Variants in OCRL observed in about 807,000 individuals in gnomAD.
The protein encoded by OCRL is inositol polyphosphate 5-phosphatase OCRL.
In OCRL, 8 loss-of-function variants were observed where a neutral mutation model predicts 78.9. The observed-to-expected ratio is 0.10, with a 90% CI of 0.06 to 0.18. The LOEUF is 0.18. Ranked by LOEUF, OCRL falls within the 10% of genes least tolerant of loss-of-function variation. OCRL has a pLI of 1.00. For synonymous variants in OCRL, 240 were observed against 235.4 expected (o/e 1.02, Z -0.18); for missense variants, 454 against 696.7 (o/e 0.65, Z 3.92).
chrX:129,569,411 T>C lies in OCRL; in HGVS notation c.1602+12T>C, dbSNP rs1344710798. 1 of 1,204,006 alleles carries C rather than the reference T, an allele frequency of 8.3e-7. No individual in the cohort carries two copies. The highest frequency in any genetic ancestry group is 1.7e-5 in the African/African-American group (1 of 57,612). ...TCTTCCATATTGGGGTAAACACTTG[T>C]TTGTACATTCATTTATTTGTGTGTT... On this transcript the variant is annotated intron_variant, in intron 15 of 23. Coordinates refer to ENST00000371113, the MANE Select transcript of OCRL (RefSeq NM_000276.4).
intron 4 of OCRL, among the ~76,000 whole-genome samples, chrX:129,555,407 G>A (rs1936029654): frequency 9.0e-6 from 1 of 111,659 alleles, no homozygotes; most frequent in Non-Finnish European, 1.9e-5. Context: ...CCCAGGGGAC[G>A]AGGTTGCAGT....
Position 129,557,334 on chromosome X carries a change from A to G in OCRL, c.248A>G (p.Lys83Arg). The change falls in exon 5 of 24, where the codon AAA becomes AGA. Residue 83 changes from lysine to arginine, a missense_variant. By Grantham distance (26) the Lys-to-Arg change is conservative (BLOSUM62 2). Coordinates refer to ENST00000371113, the MANE Select transcript of OCRL (RefSeq NM_000276.4). ...TTTCAATTCTTTTTAGGTGGCTGCAAAATTCGGGTTCAGGGGGACTGGATC... is the reference window on the plus strand; with the variant it reads ...TTTCAATTCTTTTTAGGTGGCTGCAGAATTCGGGTTCAGGGGGACTGGATC... ...LIDIASNSGC[K>R]IRVQGDWIRE... The G allele has an allele frequency of 1.7e-6, 2 of 1,211,098 alleles. No individual in the cohort carries two copies. The highest frequency in any genetic ancestry group is 3.5e-5 in the South Asian group (2 of 56,960).
rs757334938 is a variant in OCRL at position 129,548,639 on chromosome X, C to G, written c.238+38C>G. 7.3e-6 allele frequency: 8 copies of G among 1,093,867 alleles called. No homozygotes were observed. In the East Asian group the frequency reaches 2.1e-4, roughly 29 times the overall value. The allele number at this position is 1,093,867 out of a possible 1,213,427, so 90.1% of individuals were successfully genotyped here. On this transcript the variant is annotated intron_variant, in intron 4 of 23. Transcript: ENST00000371113. ...CTGAATGTGCTTGATTTTTACTCAA[C>G]AAATATTTACTTGAACACTCACTAC...
intron 8 of OCRL, among the ~76,000 whole-genome samples, chrX:129,560,153 T>C (rs762622893): frequency 2.7e-5 from 3 of 112,192 alleles, no homozygotes; most frequent in South Asian, 7.4e-4. Context: ...AGTGAGTTCC[T>C]GGAGTCAACT....
chrX:129,581,658 C>A, intron 18 of OCRL, among the ~76,000 whole-genome samples: 1 of 102,032 alleles, frequency 9.8e-6, no homozygotes, highest in Non-Finnish European at 2.0e-5. Flanking sequence ...ATGTATATAC[C>A]TTTTATTATA....
Position 129,584,305 on chromosome X carries a change from CT to C in OCRL, c.2116-38del, listed in dbSNP as rs764630548. ...TCTGTAAATTAATTCTAATCATATT[CT>C]GTCTGTCAATGACTTTCTTTTCCTG... On this transcript the variant is annotated intron_variant, in intron 18 of 23. Transcript: ENST00000371113. 1.1e-5 allele frequency: 13 copies of C among 1,172,578 alleles called. No individual in the cohort carries two copies. In the South Asian group the frequency reaches 2.3e-4, roughly 21 times the overall value.
rs369131501 is a variant in OCRL, at chrX:129,547,416, T to G, written c.200-1147T>G. ...GGCGGGTGCCTGTAGTCCCAACTAC[T>G]CGGGAGGCTGAGGCAGGAGAATGGT... On this transcript the variant is annotated intron_variant, in intron 3 of 23. Transcript: ENST00000371113. 3.9e-4 allele frequency among the ~76,000 whole-genome samples: 41 copies of G among 105,845 alleles called. No homozygotes were observed. The East Asian group carries it at 5.0e-3, about 13-fold the overall frequency. The allele number at this position is 105,845 out of a possible 115,157, so 91.9% of individuals were successfully genotyped here. A position where few individuals can be genotyped will look rare whatever the true frequency, so the allele number is the denominator to read the frequency against.
chrX:129,561,338 G>T (rs1483946968), intron 10 of OCRL, 45 bp downstream of exon 10: 8 of 788,236 alleles, frequency 1.0e-5, no homozygotes, highest in Middle Eastern at 2.8e-4. Context: ...ACTAAATAGG[G>T]CTCACCGGGA....
In OCRL at chrX:129,557,468, A is replaced by G. The variant is rs370261982; in HGVS notation, c.349+33A>G. ...AAGACTCAGCGATTTTCTTTCTTCT[A>G]TTTCAACGGGAGTGGAATTCTGACA... is the stretch of plus-strand genomic sequence containing the variant. On this transcript the variant is annotated intron_variant, in intron 5 of 23. Coordinates refer to ENST00000371113, the MANE Select transcript of OCRL (RefSeq NM_000276.4). 68 of 1,124,117 alleles carry G rather than the reference A, an allele frequency of 6.0e-5. No homozygotes were observed. In the African/African-American group the frequency reaches 8.8e-4, roughly 15 times the overall value. The allele number at this position is 1,124,117 out of a possible 1,213,427, so 92.6% of individuals were successfully genotyped here. A position where few individuals can be genotyped will look rare whatever the true frequency, so the allele number is the denominator to read the frequency against.
rs1395953862 is a variant in OCRL at position 129,589,841 on chromosome X, A to G, written c.2470-4A>G. ...TCACTGCCTGCCCCTATTTTTAAAA[A>G]CAGGTGATCTCCCAGCTTCCGAGAT... On this transcript the variant is annotated splice_polypyrimidine_tract_variant and splice_region_variant and intron_variant, in intron 22 of 23. Transcript: ENST00000371113. The G allele has an allele frequency of 8.4e-7, 1 of 1,190,218 alleles. No homozygotes were observed. Among genetic ancestry groups the G allele is most frequent in the Admixed American group, 2.2e-5 (1 of 45,995 alleles).
intron 18 of OCRL, among the ~76,000 whole-genome samples, chrX:129,582,888 C>A (rs1936463402): frequency 9.0e-6 from 1 of 111,721 alleles, no homozygotes; most frequent in Non-Finnish European, 1.9e-5. Context: ...TCTCCACTCC[C>A]AGCTCCTGTG....
At chrX:129,574,501 C>A (rs1569461440) in intron 15 of OCRL, among the ~76,000 whole-genome samples, 1 of 112,038 alleles carries the variant, frequency 8.9e-6, no homozygotes, top group Admixed American at 9.4e-5. Flanking sequence ...GCTGTAGGTT[C>A]CATTTATTAA....
chrX:129,572,300 C>T (rs917380279), intron 15 of OCRL, among the ~76,000 whole-genome samples: 1 of 111,532 alleles, frequency 9.0e-6, no homozygotes, highest in Non-Finnish European at 1.9e-5. Context: ...AACCTCCCAT[C>T]TTATTACATA....
intron 2 of OCRL, among the ~76,000 whole-genome samples, chrX:129,542,831 G>A (rs900361208): frequency 1.8e-5 from 2 of 111,464 alleles, no homozygotes; most frequent in African/African-American, 3.3e-5. Context: ...TTTCTGACTC[G>A]AGTGTCCAGA....
At chrX:129,584,168 A>T (rs1006550029) in intron 18 of OCRL, among the ~76,000 whole-genome samples, 176 bp from the exon 19 acceptor site, 1 of 112,837 alleles carries the variant, frequency 8.9e-6, no homozygotes, top group Non-Finnish European at 1.9e-5. Flanking sequence ...AACTTTGTGT[A>T]TGAAAAATGT....
chrX:129,564,938 A>G (rs1404053218), intron 12 of OCRL, among the ~76,000 whole-genome samples: 2 of 111,899 alleles, frequency 1.8e-5, no homozygotes, highest in African/African-American at 6.5e-5. Context: ...GAGTAGGGAT[A>G]TTCAACTATT....
chrX:129,579,446 C>T (rs1936413171), intron 18 of OCRL, among the ~76,000 whole-genome samples: 1 of 111,697 alleles, frequency 9.0e-6, no homozygotes, highest in South Asian at 3.7e-4. Context: ...AAGCCAGAAA[C>T]GAGTTCAATG....
At chrX:129,588,838 T>C (rs754579063) in intron 21 of OCRL, 48 bp from the exon 22 acceptor site, 7 of 1,206,685 alleles carry the variant, frequency 5.8e-6, no homozygotes, top group Non-Finnish European at 6.7e-6. Flanking sequence ...CGGGGCTCTG[T>C]GTGGCCTTTC....
intron 15 of OCRL, among the ~76,000 whole-genome samples, chrX:129,572,414 CT>C (rs1674336242): frequency 1.8e-5 from 2 of 112,975 alleles, no homozygotes; most frequent in Middle Eastern, 4.6e-3. Flanking sequence ...GGTTCCCCCC[CT>C]CCTCATTATC....
Sources: gnomAD v4.1 joint callset for allele counts (sites outside exome capture counted in the v4.1 genomes callset) on GRCh38, gnomAD v4.1.1 for gene constraint, MANE v1.5 for transcripts, NCBI Gene and HGNC (gene_info 2026-07-23, HGNC 2026-07-21) for gene names.